GREB1L: variants seen among roughly 807,000 people sequenced by gnomAD.
GREB1L encodes GREB1 like retinoic acid receptor coactivator.
Under a neutral mutation model 200.8 loss-of-function variants are expected in GREB1L, and 17 were observed. The observed-to-expected ratio is 0.08, with a 90% CI of 0.06 to 0.13. GREB1L has a LOEUF of 0.13. GREB1L is among the 10% of genes least tolerant of loss of function. GREB1L has a pLI of 1.00. For missense variants in GREB1L, 1,657 were observed against 2,367.7 expected (o/e 0.70, Z 6.23); for synonymous variants, 789 against 893.0 (o/e 0.88, Z 2.08).
At chr18:21,307,570 C>G (rs1000045500) in intron 1 of GREB1L, among the ~76,000 whole-genome samples, 10 of 152,096 alleles carry the variant, frequency 6.6e-5, no homozygotes, top group African/African-American at 2.4e-4. Flanking sequence ...TTCTAAACAT[C>G]ACTGGTTCAG....
At chr18:21,262,472 G>T (rs138000381) in intron 1 of GREB1L, among the ~76,000 whole-genome samples, 1 of 152,064 alleles carries the variant, frequency 6.6e-6, no homozygotes, top group Non-Finnish European at 1.5e-5. Context: ...ATAAGATTAC[G>T]TGCTTAGAGA....
At chr18:21,385,371 CTT>C (rs60302271) in intron 4 of GREB1L, among the ~76,000 whole-genome samples, 20 of 140,390 alleles carry the variant, frequency 1.4e-4, no homozygotes, top group Non-Finnish European at 1.6e-4. Flanking sequence ...TTTCTCTTGA[CTT>C]TTTTTTTTTT....
chr18:21,514,011 TG>T, intron 28 of GREB1L, 25 bp downstream of exon 28: 1 of 1,547,040 alleles, frequency 6.5e-7, no homozygotes, highest in Non-Finnish European at 8.7e-7. Flanking sequence ...TGGGGGCGTA[TG>T]ACACAATGCT....
intron 31 of GREB1L, among the ~76,000 whole-genome samples, chr18:21,518,664 C>T (rs549887177): frequency 1.2e-4 from 18 of 152,158 alleles, no homozygotes; most frequent in Non-Finnish European, 2.4e-4. Flanking sequence ...ATGTCTTAGG[C>T]ATTGTTTTAG....
intron 7 of GREB1L, among the ~76,000 whole-genome samples, chr18:21,428,147 G>A (rs1374050857): frequency 6.2e-5 from 8 of 129,708 alleles, no homozygotes; most frequent in African/African-American, 2.2e-4. Context: ...CCGAGATTGC[G>A]CCACTGCAGT....
intron 19 of GREB1L, among the ~76,000 whole-genome samples, chr18:21,494,287 G>A (rs2036459751): frequency 1.3e-5 from 2 of 152,112 alleles, no homozygotes; most frequent in African/African-American, 4.8e-5. Flanking sequence ...TAAAAGATTG[G>A]ACAACAAGTA....
At chr18:21,342,780 G>T (rs944880111) in intron 1 of GREB1L, among the ~76,000 whole-genome samples, 36 of 152,126 alleles carry the variant, frequency 2.4e-4, no homozygotes, top group African/African-American at 8.4e-4. Flanking sequence ...AGAGGAAATT[G>T]TGCTGTGGGT....
intron 1 of GREB1L, among the ~76,000 whole-genome samples, chr18:21,305,581 C>G (rs905125298): frequency 2.0e-5 from 3 of 152,118 alleles, no homozygotes; most frequent in Non-Finnish European, 4.4e-5. Context: ...CCATCATTAC[C>G]TGTTACTTGA....
At chr18:21,338,629 T>G (rs745401444) in intron 1 of GREB1L, among the ~76,000 whole-genome samples, 8 of 152,272 alleles carry the variant, frequency 5.3e-5, no homozygotes, top group Non-Finnish European at 1.2e-4. Flanking sequence ...GTTGATTGTC[T>G]TCATCCACAG....
chr18:21,243,744 AAG>A (rs1180579613), intron 1 of GREB1L, among the ~76,000 whole-genome samples: 5 of 152,244 alleles, frequency 3.3e-5, no homozygotes, highest in Non-Finnish European at 5.9e-5. Context: ...AATTATTTAA[AAG>A]AGAAAAAATT....
chr18:21,295,690 T>C (rs73959830), intron 1 of GREB1L, among the ~76,000 whole-genome samples: 1,530 of 152,312 alleles, frequency 0.01, 31 homozygotes, highest in African/African-American at 0.035. Context: ...CCACTGCTAA[T>C]GCAGGATGAG....
At chr18:21,466,858 CTATA>C (rs772640496) in intron 15 of GREB1L, among the ~76,000 whole-genome samples, 7 of 152,038 alleles carry the variant, frequency 4.6e-5, no homozygotes, top group East Asian at 1.9e-4. Flanking sequence ...CTACAGTAAA[CTATA>C]TAAGCTACTG....
intron 2 of GREB1L, among the ~76,000 whole-genome samples, chr18:21,380,032 T>C (rs1442938931): frequency 6.6e-6 from 1 of 152,216 alleles, no homozygotes; most frequent in Non-Finnish European, 1.5e-5. Flanking sequence ...AAAAGAAACC[T>C]AACAATTTAA....
intron 1 of GREB1L, among the ~76,000 whole-genome samples, chr18:21,247,619 C>T (rs1295273769): frequency 6.6e-6 from 1 of 152,142 alleles, no homozygotes; most frequent in Non-Finnish European, 1.5e-5. Flanking sequence ...AACTCCTGTG[C>T]TTTACTTTTC....
At chr18:21,522,435 C>G (rs2037619732) in intron 32 of GREB1L, among the ~76,000 whole-genome samples, 1 of 152,120 alleles carries the variant, frequency 6.6e-6, no homozygotes, top group Non-Finnish European at 1.5e-5. Context: ...GATCGCACCA[C>G]TGCACTCCAG....
intron 23 of GREB1L, 65 bp downstream of exon 23, chr18:21,500,707 G>A (rs537950845): frequency 7.2e-5 from 86 of 1,188,314 alleles, no homozygotes; most frequent in Non-Finnish European, 9.2e-5. Context: ...TGCAAATCCC[G>A]GGAACTTGCT....
chr18:21,462,083 C>T (rs1164273550), intron 15 of GREB1L, among the ~76,000 whole-genome samples: 1 of 152,212 alleles, frequency 6.6e-6, no homozygotes, highest in Non-Finnish European at 1.5e-5. Context: ...GTTACTGGTG[C>T]TCCTATGTTC....
chr18:21,325,967 T>TGA (rs2039017408), intron 1 of GREB1L, among the ~76,000 whole-genome samples: 1 of 152,064 alleles, frequency 6.6e-6, no homozygotes, highest in African/African-American at 2.4e-5. Context: ...CCAAAGAGAT[T>TGA]GGTGTCATGA....
At chr18:21,408,071 G>C (rs2030486376) in intron 7 of GREB1L, among the ~76,000 whole-genome samples, 1 of 152,150 alleles carries the variant, frequency 6.6e-6, no homozygotes, top group African/African-American at 2.4e-5. Context: ...CATGACTATA[G>C]TTAACAATAA....
Sources: allele counts gnomAD v4.1 joint callset (sites outside exome capture counted in the v4.1 genomes callset), GRCh38; gene constraint gnomAD v4.1.1; transcripts MANE v1.5; gene names NCBI Gene and HGNC (gene_info 2026-07-23, HGNC 2026-07-21).